The following DYSF variants were observed in gnomAD, a reference collection of about 807,000 sequenced individuals.
DYSF encodes the protein dystrophy-associated fer-1-like 1.
A neutral mutation model predicts 274.9 loss-of-function variants in DYSF; 212 were observed. The ratio of observed to expected loss-of-function variants is 0.77; its 90% CI spans 0.69 to 0.86. DYSF has a LOEUF of 0.86. Ranked by LOEUF, DYSF falls within the 40% of genes least tolerant of loss-of-function variation. The pLI is 0.00. For synonymous variants in DYSF, 1,091 were observed against 1,078.7 expected, an observed-to-expected ratio of 1.01 and a Z score of -0.22; for missense variants, 2,666 against 2,783.2, an observed-to-expected ratio of 0.96 and a Z score of 0.95.
intron 14 of DYSF, 104 bp downstream of exon 14, chr2:71,528,505 G>A: frequency 2.0e-6 from 2 of 980,284 alleles, no homozygotes; most frequent in Admixed American, 2.0e-5. Context: ...CCCCACCAGA[G>A]GTGTGTGCAC....
intron 17 of DYSF, among the ~76,000 whole-genome samples, chr2:71,542,912 C>T (rs560922572): frequency 2.6e-5 from 4 of 152,306 alleles, no homozygotes; most frequent in African/African-American, 9.6e-5. Flanking sequence ...GGGTGGCGGC[C>T]GGGCAGAGGG....
At position 71,551,802 on chromosome 2, in the gene DYSF, T is replaced by C. The variant is rs188701036; in HGVS notation, c.1806+82T>C. On this transcript the variant is annotated intron_variant, in intron 19 of 55. Coordinates refer to ENST00000410020, the MANE Select transcript of DYSF (RefSeq NM_001130987.2). ...GGCTGGGACTGGCCTTGAGGTGTCA[T>C]GGCCGAGGGAGGAGGAAGCTCTGCC... is the stretch of plus-strand genomic sequence containing the variant. 1.2e-3 allele frequency: 1,363 copies of C among 1,152,066 alleles called. 2 individuals are homozygous for C. The highest frequency in any genetic ancestry group is 1.6e-3 in the Non-Finnish European group (1,253 of 792,770). 71.4% of individuals were successfully genotyped at this position (1,152,066 alleles called of 1,614,324 possible).
At chr2:71,560,458 G>A (rs2091662728) in intron 22 of DYSF, among the ~76,000 whole-genome samples, 1 of 40,936 alleles carries the variant, frequency 2.4e-5, no homozygotes, top group Non-Finnish European at 5.7e-5. Context: ...CTCCACCACC[G>A]AGGAGCGGCC....
chr2:71,560,345 C>T (rs2091645100), intron 22 of DYSF, among the ~76,000 whole-genome samples: 1 of 149,230 alleles, frequency 6.7e-6, no homozygotes, highest in African/African-American at 2.5e-5. Flanking sequence ...CTGGTTGGCT[C>T]GGCTCTCCCT....
intron 51 of DYSF, among the ~76,000 whole-genome samples, chr2:71,670,590 A>G (rs928629922): frequency 1.3e-5 from 2 of 152,084 alleles, no homozygotes; most frequent in Non-Finnish European, 2.9e-5. Flanking sequence ...ACCTAGGGAG[A>G]CCTGGCTTGC....
intron 42 of DYSF, among the ~76,000 whole-genome samples, chr2:71,647,790 C>A: frequency 6.6e-6 from 1 of 152,202 alleles, no homozygotes. Flanking sequence ...ATTATCTATT[C>A]TCTTTACTTT....
At chr2:71,487,801 G>A (rs1206208274) in intron 3 of DYSF, among the ~76,000 whole-genome samples, 1 of 152,160 alleles carries the variant, frequency 6.6e-6, no homozygotes, top group Non-Finnish European at 1.5e-5. Context: ...GAGCCACTGT[G>A]CCTGGTCTGA....
At chr2:71,553,495 C>T (rs1244122916) in intron 20 of DYSF, among the ~76,000 whole-genome samples, 1 of 152,188 alleles carries the variant, frequency 6.6e-6, no homozygotes, top group Non-Finnish European at 1.5e-5. Flanking sequence ...TTTCCCAGGG[C>T]AGCTCTAACA....
At chr2:71,506,529 C>T (rs931608015) in intron 4 of DYSF, among the ~76,000 whole-genome samples, 17 of 152,142 alleles carry the variant, frequency 1.1e-4, no homozygotes, top group African/African-American at 3.1e-4. Context: ...GCGCGGGACC[C>T]GTGACGTGGA....
At chr2:71,653,235 T>C (rs2094698750) in intron 42 of DYSF, among the ~76,000 whole-genome samples, 1 of 152,190 alleles carries the variant, frequency 6.6e-6, no homozygotes. Context: ...GATCAACCAT[T>C]GTGGAAGTCA....
At chr2:71,643,164 A>G (rs2094513701) in intron 41 of DYSF, among the ~76,000 whole-genome samples, 1 of 152,176 alleles carries the variant, frequency 6.6e-6, no homozygotes, top group African/African-American at 2.4e-5. Flanking sequence ...AGCTGAAGGA[A>G]TATTCTAGAC....
intron 6 of DYSF, 76 bp from the exon 7 acceptor site, chr2:71,513,640 C>T (rs2086335768): frequency 5.3e-6 from 8 of 1,508,144 alleles, no homozygotes; most frequent in Non-Finnish European, 1.8e-6. Context: ...CTTCTGCCCC[C>T]TGGGCTGGGT....
chr2:71,548,894 G>A (rs544001365), intron 17 of DYSF, among the ~76,000 whole-genome samples: 1 of 152,320 alleles, frequency 6.6e-6, no homozygotes, highest in African/African-American at 2.4e-5. Context: ...ACCTGCCTGC[G>A]GGCTTGGAGT....
intron 3 of DYSF, among the ~76,000 whole-genome samples, chr2:71,486,765 T>C (rs1044860673): frequency 2.0e-5 from 3 of 152,078 alleles, no homozygotes. Flanking sequence ...CCAATGCACA[T>C]AAAAGGAAGC....
intron 1 of DYSF, among the ~76,000 whole-genome samples, chr2:71,469,980 C>A (rs2081857576): frequency 6.6e-6 from 1 of 152,174 alleles, no homozygotes; most frequent in South Asian, 2.1e-4. Context: ...GTGCCTGGTG[C>A]TTTTCTAGGT....
At chr2:71,605,503 T>A (rs2093630548) in intron 36 of DYSF, among the ~76,000 whole-genome samples, 1 of 152,110 alleles carries the variant, frequency 6.6e-6, no homozygotes, top group African/African-American at 2.4e-5. Flanking sequence ...CCCATGGGGC[T>A]TGTGATCCTG....
intron 1 of DYSF, among the ~76,000 whole-genome samples, chr2:71,467,532 A>G (rs1014337729): frequency 1.3e-5 from 2 of 152,176 alleles, no homozygotes; most frequent in African/African-American, 4.8e-5. Context: ...TAGAATACAT[A>G]CAGGTATTTC....
intron 42 of DYSF, among the ~76,000 whole-genome samples, chr2:71,651,489 C>G (rs1465901132): frequency 6.6e-6 from 1 of 151,866 alleles, no homozygotes; most frequent in Admixed American, 6.5e-5. Flanking sequence ...CAAGAAGCAG[C>G]AAAAAATATG....
Position 71,516,399 on chromosome 2 carries a change from C to T in DYSF, c.951+157C>T, listed in dbSNP as rs143993940. 4.9e-4 allele frequency among the ~76,000 whole-genome samples: 75 copies of T among 152,244 alleles called. No homozygotes were observed. In the East Asian group the frequency reaches 0.014, roughly 28 times the overall value. On this transcript the variant is annotated intron_variant, in intron 9 of 55. Coordinates refer to ENST00000410020, the MANE Select transcript of DYSF (RefSeq NM_001130987.2). ...CTGTCGGTGTGTATGTGAGTATGTG[C>T]GTGAGAGGGAGACGTGTTAAAGCCT...
Sources: gnomAD v4.1 joint callset for allele counts (sites outside exome capture counted in the v4.1 genomes callset) on GRCh38, gnomAD v4.1.1 for gene constraint, MANE v1.5 for transcripts, NCBI Gene and HGNC (gene_info 2026-07-23, HGNC 2026-07-21) for gene names.